CLTC: variants seen among roughly 807,000 people sequenced by gnomAD.
CLTC encodes the protein clathrin heavy chain.
A neutral mutation model predicts 195.8 loss-of-function variants in CLTC; 16 were observed. That is an observed-to-expected ratio of 0.08 (90% CI 0.06 to 0.12). The LOEUF (loss-of-function observed/expected upper bound fraction) is 0.12, where lower values mean the gene tolerates loss of function less well. Among genes scored for constraint, CLTC ranks in the 10% least tolerant of loss-of-function variants. CLTC has a pLI of 1.00. For missense variants in CLTC, 796 were observed against 2,027.0 expected (o/e 0.39, Z 11.66); for synonymous variants, 667 against 689.4 (o/e 0.97, Z 0.51).
rs563227683 is a variant in CLTC, at chr17:59,694,966, C to G, written c.*1114C>G. The G allele has an allele frequency of 9.1e-6, 2 of 218,666 alleles. No homozygotes were observed. Among genetic ancestry groups the G allele is most frequent in the South Asian group, 3.7e-4 (2 of 5,406 alleles). 13.5% of individuals were successfully genotyped at this position (218,666 alleles called of 1,614,324 possible). ...AAGGTACATGCAATAGTCTAAAGAA[C>G]CAGAGTCACTACTATAGTGGCTTAA... On this transcript the variant is annotated 3_prime_UTR_variant, in exon 32 of 32. Transcript: ENST00000269122.
intron 14 of CLTC, among the ~76,000 whole-genome samples, chr17:59,670,277 G>GT (rs35483771): frequency 3.4e-4 from 50 of 148,254 alleles, no homozygotes; most frequent in African/African-American, 7.2e-4. Flanking sequence ...GGGGTGTTGG[G>GT]TTTTTTTTTT....
chr17:59,665,030 G>A, intron 10 of CLTC, 121 bp downstream of exon 10: 1 of 1,303,432 alleles, frequency 7.7e-7, no homozygotes, highest in Admixed American at 2.2e-5. Context: ...TTCAAGACCA[G>A]TCTGGGCAAC....
At chr17:59,689,254 CAT>C (rs1424051639) in intron 30 of CLTC, 1 of 152,140 alleles carries the variant, frequency 6.6e-6, no homozygotes, top group Non-Finnish European at 1.5e-5. Flanking sequence ...GGATTAGACT[CAT>C]ATTTATGGTA....
At chr17:59,670,108 C>G (rs1230852490) in intron 14 of CLTC, among the ~76,000 whole-genome samples, 2 of 152,112 alleles carry the variant, frequency 1.3e-5, no homozygotes, top group African/African-American at 4.8e-5. Context: ...CCAAAACTTT[C>G]TGGTGTCAAA....
intron 1 of CLTC, among the ~76,000 whole-genome samples, chr17:59,624,539 G>A (rs1315361169): frequency 2.1e-5 from 3 of 144,390 alleles, no homozygotes; most frequent in Non-Finnish European, 4.5e-5. Flanking sequence ...TGCGATCTCG[G>A]CTCACAGCAA....
intron 5 of CLTC, among the ~76,000 whole-genome samples, chr17:59,653,849 T>C (rs1598218084): frequency 6.6e-6 from 1 of 151,718 alleles, no homozygotes; most frequent in South Asian, 2.1e-4. Context: ...CTCAGCTCAC[T>C]GCAATCTCTG....
chr17:59,684,042 A>AT lies in CLTC; in HGVS notation c.4434+63dup, dbSNP rs2033129001. The AT allele has an allele frequency of 1.6e-5, 18 of 1,155,594 alleles. No homozygotes were observed. The South Asian group carries it at 1.6e-4, about 10-fold the overall frequency. 71.6% of individuals were successfully genotyped at this position (1,155,594 alleles called of 1,614,324 possible). A position where few individuals can be genotyped will look rare whatever the true frequency, so the allele number is the denominator to read the frequency against. On this transcript the variant is annotated intron_variant, in intron 28 of 31. Coordinates refer to ENST00000269122, the MANE Select transcript of CLTC (RefSeq NM_004859.4). ...AAGACTCATAAAGTTATGTTTTCCC[A>AT]TTTTTTAAAAAAGCCATTATCCTTT...
chr17:59,636,134 CAA>C (rs540301346), intron 1 of CLTC, among the ~76,000 whole-genome samples: 2 of 109,382 alleles, frequency 1.8e-5, no homozygotes. Context: ...AACTACGTCT[CAA>C]AAAAAAAAAA....
chr17:59,647,367 A>G (rs1213069621), intron 2 of CLTC, 31 bp from the exon 3 acceptor site: 1 of 1,558,660 alleles, frequency 6.4e-7, no homozygotes, highest in South Asian at 1.1e-5. Context: ...TTACTCTTTT[A>G]ATGATTTATA....
Position 59,683,142 on chromosome 17 carries a change from G to A in CLTC, c.3921G>A (p.Leu1307=). The A allele has an allele frequency of 6.2e-7, 1 of 1,614,106 alleles. No individual in the cohort carries two copies. The highest frequency in any genetic ancestry group is 8.5e-7 in the Non-Finnish European group (1 of 1,179,994). ...EELITMLEAA[L]GLERAHMGMF... ...TGATCACCATGTTGGAAGCAGCACT[G>A]GGACTTGAGCGAGCTCACATGGGAA... The change falls in exon 25 of 32, where the codon CTG becomes CTA. Residue 1307 remains leucine, a synonymous_variant. Coordinates refer to ENST00000269122, the MANE Select transcript of CLTC (RefSeq NM_004859.4). The surrounding 1 kb of genome is among the most constrained non-coding windows in gnomAD (Gnocchi z 6.1).
chr17:59,655,861 A>G lies in CLTC; in HGVS notation c.803A>G (p.Glu268Gly), dbSNP rs773475884. The change falls in exon 6 of 32, where the codon GAA becomes GGA. Residue 268 changes from glutamate (E) to glycine (G), a missense_variant. By Grantham distance (98) the Glu-to-Gly change is moderately conservative (BLOSUM62 -2). Coordinates refer to ENST00000269122, the MANE Select transcript of CLTC (RefSeq NM_004859.4). ...TTGATTTTCTTTCTGTAGATCAGTG[A>G]AAAGCATGATGTGGTGTTCTTGATA... ...NDFPVAMQIS[E>G]KHDVVFLITK... 6.4e-7 allele frequency: 1 copy of G among 1,562,476 alleles called. No individual in the cohort carries two copies. The highest frequency in any genetic ancestry group is 2.4e-5 in the East Asian group (1 of 42,546).
chr17:59,620,213 T>C (rs1313984271), intron 1 of CLTC, 40 bp downstream of exon 1: 1 of 1,603,970 alleles, frequency 6.2e-7, no homozygotes, highest in East Asian at 2.2e-5. Context: ...GTGGAGAAGG[T>C]GGTAGGAAGG....
At chr17:59,677,881 A>G (rs1006284462) in intron 17 of CLTC, among the ~76,000 whole-genome samples, 1 of 152,212 alleles carries the variant, frequency 6.6e-6, no homozygotes, top group Admixed American at 6.5e-5. Flanking sequence ...AAAGTGAACA[A>G]TTCAGTGGCA....
In CLTC at chr17:59,643,747, A is replaced by G. The variant is rs574345999; in HGVS notation, c.43-529A>G. Among the ~76,000 whole-genome samples the G allele has an allele frequency of 5.3e-5, 8 of 152,264 alleles. No individual in the cohort carries two copies. In the East Asian group the frequency reaches 1.5e-3, roughly 29 times the overall value. On this transcript the variant is annotated intron_variant, in intron 1 of 31. Transcript: ENST00000269122. ...TGCTTTAGCTGTGTAGCCTTTGACA[A>G]GATCCCTCTTACATATCTTTGTTTT...
In CLTC at chr17:59,666,850, C is replaced by T; in HGVS notation, c.2001C>T (p.Leu667=). The T allele has an allele frequency of 6.2e-7, 1 of 1,614,004 alleles. No homozygotes were observed. The highest frequency in any genetic ancestry group is 1.3e-5 in the African/African-American group (1 of 75,034). Reference sequence around the variant, plus strand: ...CAGTAGAAGACTCCCTAGAATGTCTCAGAGCCATGCTGTCTGCCAACATCC... The same window carrying T: ...CAGTAGAAGACTCCCTAGAATGTCTTAGAGCCATGCTGTCTGCCAACATCC... ...SLSVEDSLEC[L]RAMLSANIRQ... is the part of the protein sequence containing the mutation. Residue 667 remains leucine, a synonymous_variant, in exon 13 of 32, where the codon CTC becomes CTT. Transcript: ENST00000269122. This position sits in a 1 kb window ranked among gnomAD's most constrained non-coding sequence, Gnocchi z 4.9.
chr17:59,665,409 AT>A (rs1263715411), intron 10 of CLTC, among the ~76,000 whole-genome samples: 6 of 152,216 alleles, frequency 3.9e-5, no homozygotes, highest in Non-Finnish European at 7.3e-5. Context: ...TGTATTAAAA[AT>A]ATGAAAAATA....
intron 1 of CLTC, among the ~76,000 whole-genome samples, chr17:59,634,575 C>T (rs1343017361): frequency 1.3e-5 from 2 of 152,184 alleles, no homozygotes; most frequent in Non-Finnish European, 2.9e-5. Flanking sequence ...CTCTCTCCAA[C>T]TGTGGTTGCT....
chr17:59,688,158 AACAG>A (rs2033224134), intron 30 of CLTC, among the ~76,000 whole-genome samples: 1 of 152,212 alleles, frequency 6.6e-6, no homozygotes, highest in South Asian at 2.1e-4. Flanking sequence ...AAGCATGTAC[AACAG>A]TCATTGCAAT....
intron 6 of CLTC, chr17:59,658,926 T>C (rs1328097048): frequency 1.3e-5 from 2 of 152,212 alleles, no homozygotes; most frequent in Admixed American, 6.5e-5. Flanking sequence ...ATCTTGGAGG[T>C]TGAAATTTCT....
Sources: allele counts gnomAD v4.1 joint callset (sites outside exome capture counted in the v4.1 genomes callset), GRCh38; gene constraint gnomAD v4.1.1; non-coding constraint Gnocchi (gnomAD v3.1); transcripts MANE v1.5; gene names NCBI Gene and HGNC (gene_info 2026-07-23, HGNC 2026-07-21).